MIR2052HG: variants seen among roughly 807,000 people sequenced by gnomAD.
MIR2052HG encodes MIR2052 host gene.
At chr8:74,696,569 TA>T (rs1468778507) in intron 2 of MIR2052HG, among the ~76,000 whole-genome samples, 3 of 151,952 alleles carry the variant, frequency 2.0e-5, no homozygotes, top group African/African-American at 7.2e-5. Context: ...GGTAGAACAT[TA>T]GTGAAATTAA....
rs183674222 is a variant in MIR2052HG at position 74,747,715 on chromosome 8, G to A, written n.372-4726G>A. Among the ~76,000 whole-genome samples, 177 of 152,264 alleles carry A rather than the reference G, an allele frequency of 1.2e-3. 2 individuals are homozygous for A. The highest frequency in any genetic ancestry group is 2.3e-3 in the Non-Finnish European group (154 of 67,994). ...ACCTAAAGTATGTTTCACCAAGAAG[G>A]TAGATTTTGATTACATTTTACTTCT... On this transcript the variant is annotated intron_variant and non_coding_transcript_variant, in intron 4 of 6. Transcript: ENST00000523442.
intron 2 of MIR2052HG, among the ~76,000 whole-genome samples, chr8:74,651,918 C>G (rs961494742): frequency 6.6e-6 from 1 of 152,156 alleles, no homozygotes; most frequent in Non-Finnish European, 1.5e-5. Context: ...AGAAAGGTAG[C>G]AAGCCTATCT....
At chr8:74,652,281 C>G (rs573983232) in intron 2 of MIR2052HG, among the ~76,000 whole-genome samples, 2 of 152,326 alleles carry the variant, frequency 1.3e-5, no homozygotes, top group South Asian at 4.1e-4. Flanking sequence ...ATATGACTTA[C>G]TCTGGCCAGT....
chr8:74,758,155 GA>G (rs1810023888), intron 6 of MIR2052HG: 1 of 151,868 alleles, frequency 6.6e-6, no homozygotes, highest in African/African-American at 2.4e-5. Context: ...TTTTGGGTAA[GA>G]TTTTTTTTAA....
At chr8:74,618,517 C>T (rs1226368495) in intron 2 of MIR2052HG, among the ~76,000 whole-genome samples, 2 of 152,100 alleles carry the variant, frequency 1.3e-5, no homozygotes, top group African/African-American at 4.8e-5. Context: ...TGTGATCCAT[C>T]ACATTAACAG....
intron 4 of MIR2052HG, among the ~76,000 whole-genome samples, chr8:74,746,032 C>T (rs2128756207): frequency 6.6e-6 from 1 of 152,230 alleles, no homozygotes; most frequent in East Asian, 1.9e-4. Context: ...AAGAGACTGG[C>T]TCCAAATCCA....
rs78836143 is a variant in MIR2052HG, at chr8:74,675,466, C to T, written n.217-26913C>T. ...GAATGGGTTATATGCCAATACTCTG[C>T]CATCTTATGTAAGATATTTGAGGAT... On this transcript the variant is annotated intron_variant and non_coding_transcript_variant, in intron 2 of 6. Coordinates refer to ENST00000523442, the Ensembl canonical transcript of MIR2052HG. Among the ~76,000 whole-genome samples the T allele has an allele frequency of 1.2e-3, 183 of 152,112 alleles. 1 individual carries two copies. The highest frequency in any genetic ancestry group is 3.9e-3 in the African/African-American group (163 of 41,520).
At chr8:74,693,552 C>T (rs1809261487) in intron 2 of MIR2052HG, among the ~76,000 whole-genome samples, 1 of 141,692 alleles carries the variant, frequency 7.1e-6, no homozygotes, top group Non-Finnish European at 1.5e-5. Context: ...GGCAAGTTCT[C>T]AGCTTCTCAG....
intron 1 of MIR2052HG, chr8:74,609,879 T>A (rs990501186): frequency 7.3e-5 from 11 of 151,526 alleles, no homozygotes; most frequent in African/African-American, 2.7e-4. Context: ...AATTCTTTCT[T>A]CATAAGACCA....
chr8:74,707,627 C>T (rs1437145993), intron 4 of MIR2052HG, among the ~76,000 whole-genome samples: 1 of 151,920 alleles, frequency 6.6e-6, no homozygotes, highest in African/African-American at 2.4e-5. Flanking sequence ...CATAAACTGT[C>T]ACTTAACTGG....
intron 2 of MIR2052HG, among the ~76,000 whole-genome samples, chr8:74,622,706 A>T (rs138888561): frequency 6.6e-6 from 1 of 152,312 alleles, no homozygotes; most frequent in East Asian, 1.9e-4. Flanking sequence ...TACCTATCAG[A>T]AATGGCTATT....
intron 4 of MIR2052HG, among the ~76,000 whole-genome samples, chr8:74,713,338 C>T (rs1177647280): frequency 1.3e-5 from 2 of 152,196 alleles, no homozygotes; most frequent in South Asian, 2.1e-4. Flanking sequence ...GTCTAAGCCA[C>T]TTCCTACAGA....
intron 2 of MIR2052HG, among the ~76,000 whole-genome samples, chr8:74,660,533 A>G (rs1808850629): frequency 6.6e-6 from 1 of 152,224 alleles, no homozygotes; most frequent in African/African-American, 2.4e-5. Flanking sequence ...GAAAATTACC[A>G]GTAAAATATT....
chr8:74,650,266 G>T (rs139397093), intron 2 of MIR2052HG, among the ~76,000 whole-genome samples: 2 of 152,120 alleles, frequency 1.3e-5, no homozygotes, highest in South Asian at 2.1e-4. Context: ...CTGGAATTTC[G>T]TATAAATAAA....
intron 4 of MIR2052HG, among the ~76,000 whole-genome samples, chr8:74,730,883 TG>T (rs1441879754): frequency 2.0e-5 from 3 of 152,194 alleles, no homozygotes; most frequent in African/African-American, 7.2e-5. Context: ...TACAGGATCT[TG>T]GGCGGTGGCC....
chr8:74,695,749 AT>A (rs1809289479), intron 2 of MIR2052HG, among the ~76,000 whole-genome samples: 1 of 152,274 alleles, frequency 6.6e-6, no homozygotes, highest in East Asian at 1.9e-4. Flanking sequence ...TCATTATATA[AT>A]CACTAGTCTA....
intron 4 of MIR2052HG, among the ~76,000 whole-genome samples, chr8:74,717,375 A>G (rs940876531): frequency 6.6e-6 from 1 of 152,162 alleles, no homozygotes; most frequent in African/African-American, 2.4e-5. Context: ...CATGGTATAT[A>G]TGTACCACAT....
chr8:74,686,155 C>T (rs1586913768), intron 2 of MIR2052HG, among the ~76,000 whole-genome samples: 1 of 151,054 alleles, frequency 6.6e-6, no homozygotes, highest in South Asian at 2.1e-4. Context: ...GAACTTTTTC[C>T]TGGTTCTGTT....
intron 4 of MIR2052HG, among the ~76,000 whole-genome samples, chr8:74,751,230 G>A (rs1200553561): frequency 2.0e-5 from 3 of 152,134 alleles, no homozygotes; most frequent in Admixed American, 6.6e-5. Flanking sequence ...ATAAACAAAC[G>A]TCCTTTTCAT....
Sources: allele counts gnomAD v4.1 joint callset (sites outside exome capture counted in the v4.1 genomes callset), GRCh38; gene constraint gnomAD v4.1.1; transcripts MANE v1.5; gene names NCBI Gene and HGNC (gene_info 2026-07-23, HGNC 2026-07-21).